CMYA5: variants seen among roughly 807,000 people sequenced by gnomAD.
CMYA5 encodes the protein cardiomyopathy associated 5, also known as cardiomyopathy-associated protein 5.
Under a neutral mutation model 318.9 loss-of-function variants are expected in CMYA5, and 246 were observed. The ratio of observed to expected loss-of-function variants is 0.77; its 90% CI spans 0.70 to 0.86. The LOEUF is 0.86. Ranked by LOEUF, CMYA5 falls within the 40% of genes least tolerant of loss-of-function variation. The pLI is 0.00. For synonymous variants in CMYA5, 1,641 were observed against 1,729.5 expected, an observed-to-expected ratio of 0.95 and a Z score of 1.27; for missense variants, 4,589 against 4,678.2, an observed-to-expected ratio of 0.98 and a Z score of 0.56.
intron 1 of CMYA5, among the ~76,000 whole-genome samples, chr5:79,700,200 G>A (rs1827147607): frequency 6.6e-6 from 1 of 152,182 alleles, no homozygotes. Flanking sequence ...GACTGAGTTT[G>A]CATAGTTTAA....
intron 1 of CMYA5, among the ~76,000 whole-genome samples, chr5:79,722,497 T>C (rs879539265): frequency 6.6e-6 from 1 of 151,930 alleles, no homozygotes; most frequent in Non-Finnish European, 1.5e-5. Context: ...GCCAACATGA[T>C]GAAACACCAT....
At chr5:79,791,723 A>C (rs1829184151) in intron 11 of CMYA5, among the ~76,000 whole-genome samples, 1 of 151,880 alleles carries the variant, frequency 6.6e-6, no homozygotes, top group Non-Finnish European at 1.5e-5. Flanking sequence ...CAAAAAAAAA[A>C]AAAAAAAAAA....
intron 6 of CMYA5, among the ~76,000 whole-genome samples, chr5:79,757,372 A>G (rs1005665828): frequency 3.3e-5 from 5 of 152,324 alleles, no homozygotes. Flanking sequence ...GAACTTTACA[A>G]GTTTCTAGGA....
intron 11 of CMYA5, among the ~76,000 whole-genome samples, chr5:79,791,875 T>C (rs145000809): frequency 1.3e-5 from 2 of 152,234 alleles, no homozygotes; most frequent in Non-Finnish European, 2.9e-5. Flanking sequence ...TGCCCTGCAA[T>C]TTGCCTGCAA....
At position 79,793,557 on chromosome 5, in the gene CMYA5, T is replaced by C. The variant is rs375966465; in HGVS notation, c.11910T>C (p.Gly3970=). The part of the protein sequence containing the change: ...GICSSSAVQA[G]ALGQGETSWY... ...GCTCCAGCTCGGCTGTGCAGGCAGG[T>C]GCCCTAGGACAAGGGGAGACCTCAT... is the stretch of plus-strand genomic sequence containing the variant. Residue 3970 remains glycine, a synonymous_variant, in exon 12 of 13, where the codon GGT becomes GGC. Coordinates refer to ENST00000446378, the MANE Select transcript of CMYA5 (RefSeq NM_153610.5). 1.7e-4 allele frequency: 276 copies of C among 1,613,586 alleles called. No individual in the cohort carries two copies. In the African/African-American group the frequency reaches 3.4e-3, roughly 20 times the overall value.
chr5:79,736,355 T>G lies in CMYA5; in HGVS notation c.7590T>G (p.Ile2530Met). Residue 2530 changes from isoleucine to methionine, a missense_variant, in exon 2 of 13, where the codon ATT becomes ATG. Ile to Met is a conservative substitution (Grantham distance 10). Transcript: ENST00000446378. Reference sequence around the variant, plus strand: ...ACTACAATGAAAGACCCAAAATCATTGTTGGTTCTGAAAAGGAGAAAGGTG... The same window carrying G: ...ACTACAATGAAAGACCCAAAATCATGGTTGGTTCTGAAAAGGAGAAAGGTG... ...NEDYNERPKI[I>M]VGSEKEKGEE... is the part of the protein sequence containing the mutation. The G allele has an allele frequency of 2.5e-6, 4 of 1,613,478 alleles. No individual in the cohort carries two copies. Among genetic ancestry groups the G allele is most frequent in the Non-Finnish European group, 3.4e-6 (4 of 1,179,726 alleles).
intron 1 of CMYA5, among the ~76,000 whole-genome samples, chr5:79,702,793 A>G (rs192487288): frequency 6.6e-6 from 1 of 152,318 alleles, no homozygotes; most frequent in Non-Finnish European, 1.5e-5. Flanking sequence ...GTTTTTAAAA[A>G]ATCATCTGGT....
intron 4 of CMYA5, 134 bp from the exon 5 acceptor site, chr5:79,746,957 G>T (rs1379840989): frequency 8.0e-6 from 5 of 624,374 alleles, no homozygotes; most frequent in South Asian, 2.0e-5. Flanking sequence ...AAGCTGAGGG[G>T]TTATGATTTT....
chr5:79,731,739 ACTGAAGAAG>A lies in CMYA5; in HGVS notation c.2976_2984del (p.Glu994_Glu996del). The A allele has an allele frequency of 6.2e-7, 1 of 1,613,936 alleles. No homozygotes were observed. The highest frequency in any genetic ancestry group is 1.1e-5 in the South Asian group (1 of 91,066). On this transcript the variant is annotated inframe_deletion, in exon 2 of 13. Transcript: ENST00000446378. The stretch of plus-strand genomic sequence containing the variant: ...GCACACTATTTTGTCAGATGAAGAC[ACTGAAGAAG>A]CGGAACTGTTCTCTCCAGACTCAGC...
Position 79,731,724 on chromosome 5 carries a change from T to C in CMYA5, c.2959T>C (p.Leu987=), listed in dbSNP as rs1204264935. ...CLTSPSEHTI[L]SDEDTEEAEL... is the part of the protein sequence containing the mutation. ...AACATCACCATCTGAGCACACTATT[T>C]TGTCAGATGAAGACACTGAAGAAGC... Residue 987 remains leucine, a synonymous_variant, in exon 2 of 13, where the codon TTG becomes CTG. Coordinates refer to ENST00000446378, the MANE Select transcript of CMYA5 (RefSeq NM_153610.5). The C allele has an allele frequency of 6.2e-7, 1 of 1,613,930 alleles. No homozygotes were observed. Among genetic ancestry groups the C allele is most frequent in the South Asian group, 1.1e-5 (1 of 91,072 alleles).
At position 79,748,081 on chromosome 5, in the gene CMYA5, AT is replaced by A. The variant is rs530055311; in HGVS notation, c.10991+971del. ...TATTACCAGTTAGTTTTTGAAAATA[AT>A]TTGACTTATTGACATTAATCAATAA... On this transcript the variant is annotated intron_variant, in intron 5 of 12. Coordinates refer to ENST00000446378, the MANE Select transcript of CMYA5 (RefSeq NM_153610.5). Among the ~76,000 whole-genome samples the A allele has an allele frequency of 2.6e-5, 4 of 152,316 alleles. No individual in the cohort carries two copies. The South Asian group carries it at 8.3e-4, about 32-fold the overall frequency.
rs61063837 is a variant in CMYA5, at chr5:79,791,713, C to CAA, written c.11789+663_11789+664dup. Among the ~76,000 whole-genome samples, 67 of 91,952 alleles carry CAA rather than the reference C, an allele frequency of 7.3e-4. 1 individual carries two copies. The highest frequency in any genetic ancestry group is 1.7e-3 in the African/African-American group (45 of 26,846). 60.3% of individuals were successfully genotyped at this position (91,952 alleles called of 152,430 possible). ...CCAGCCTGGGAGTGAGACTCTGTCT[C>CAA]AAAAAAAAAAAAAAAAAAAAGGCAT... is the stretch of plus-strand genomic sequence containing the variant. On this transcript the variant is annotated intron_variant, in intron 11 of 12. Coordinates refer to ENST00000446378, the MANE Select transcript of CMYA5 (RefSeq NM_153610.5).
At chr5:79,763,949 A>C (rs1828702919) in intron 9 of CMYA5, among the ~76,000 whole-genome samples, 1 of 152,154 alleles carries the variant, frequency 6.6e-6, no homozygotes, top group East Asian at 1.9e-4. Context: ...TTATTGAGAT[A>C]AACTACTTTG....
intron 1 of CMYA5, among the ~76,000 whole-genome samples, chr5:79,728,610 T>C (rs1361876637): frequency 6.6e-6 from 1 of 152,060 alleles, no homozygotes; most frequent in Non-Finnish European, 1.5e-5. Flanking sequence ...GAGTGACTGC[T>C]GAGTCCCGAC....
chr5:79,697,109 C>T (rs1346639384), intron 1 of CMYA5, among the ~76,000 whole-genome samples: 1 of 152,120 alleles, frequency 6.6e-6, no homozygotes, highest in Non-Finnish European at 1.5e-5. Flanking sequence ...ATGTAGTGAA[C>T]AAAACAGGTG....
chr5:79,715,126 G>C (rs144016895), intron 1 of CMYA5, among the ~76,000 whole-genome samples: 1 of 152,056 alleles, frequency 6.6e-6, no homozygotes, highest in Non-Finnish European at 1.5e-5. Context: ...TTTGTTTGCT[G>C]CTGTATGCTC....
rs776699129 is a variant in CMYA5, at chr5:79,735,799, G to A, written c.7034G>A (p.Arg2345Lys). 102 of 1,551,292 alleles carry A rather than the reference G, an allele frequency of 6.6e-5. 1 individual carries two copies. The South Asian group carries it at 7.2e-4, about 11-fold the overall frequency. Residue 2345 changes from arginine (R) to lysine (K), a missense_variant, in exon 2 of 13, where the codon AGA (arginine) becomes AAA (lysine). Transcript: ENST00000446378. ...CCTCCTCATGTTACTGATAGTAAAAGAGTCCAGAAGCCAGCAATCGCTCCT... is the reference window on the plus strand; with the variant it reads ...CCTCCTCATGTTACTGATAGTAAAAAAGTCCAGAAGCCAGCAATCGCTCCT... ...IVPPHVTDSK[R>K]VQKPAIAPPS...
chr5:79,790,174 GA>G (rs199742912), intron 10 of CMYA5, among the ~76,000 whole-genome samples: 3,515 of 152,226 alleles, frequency 0.023, 46 homozygotes, highest in Middle Eastern at 0.048. Context: ...GAGAAGATGC[GA>G]GGGCTGTCTT....
In CMYA5 at chr5:79,765,352, C is replaced by T. The variant is rs923333301; in HGVS notation, c.11555+2143C>T. ...TGTTCTGTTTTATTGGTCTATATAT[C>T]TGTTTTGGTACCAGTACCATGCTGT... On this transcript the variant is annotated intron_variant, in intron 9 of 12. Coordinates refer to ENST00000446378, the MANE Select transcript of CMYA5 (RefSeq NM_153610.5). 1.3e-5 allele frequency among the ~76,000 whole-genome samples: 2 copies of T among 152,284 alleles called. 1 individual carries two copies.
Sources: allele counts gnomAD v4.1 joint callset (sites outside exome capture counted in the v4.1 genomes callset), GRCh38; gene constraint gnomAD v4.1.1; transcripts MANE v1.5; gene names NCBI Gene and HGNC (gene_info 2026-07-23, HGNC 2026-07-21).